HDAC4: variants seen among roughly 807,000 people sequenced by gnomAD.
HDAC4 encodes histone deacetylase 4.
In HDAC4, 16 loss-of-function variants were observed where a neutral mutation model predicts 135.1. That is an observed-to-expected ratio of 0.12 (90% CI 0.08 to 0.18). HDAC4 has a LOEUF of 0.18. Ranked by LOEUF, HDAC4 falls within the 10% of genes least tolerant of loss-of-function variation. The pLI is 1.00. For missense variants in HDAC4, 1,143 were observed against 1,511.8 expected (o/e 0.76, Z 4.05); for synonymous variants, 685 against 653.4 (o/e 1.05, Z -0.74).
rs770075890 is a variant in HDAC4 at position 239,144,599 on chromosome 2, A to G, written c.849T>C (p.Arg283=). 1 of 1,614,030 alleles carries G rather than the reference A, an allele frequency of 6.2e-7. No individual in the cohort carries two copies. The highest frequency in any genetic ancestry group is 8.5e-7 in the Non-Finnish European group (1 of 1,180,012). ...DGPVVTALKK[R]PLDVTDSACS... is the part of the protein sequence containing the mutation. ...CCGACATACCTGTGACATCCAACGGACGCTTTTTTAGAGCAGTGACCACTG... is the reference window on the plus strand; with the variant it reads ...CCGACATACCTGTGACATCCAACGGGCGCTTTTTTAGAGCAGTGACCACTG... Residue 283 remains arginine, a synonymous_variant, in exon 8 of 27, where the codon CGT becomes CGC. Coordinates refer to ENST00000543185, the MANE Select transcript of HDAC4 (RefSeq NM_001378414.1).
At chr2:239,084,097 C>T (rs945749294) in intron 20 of HDAC4, 58 bp downstream of exon 20, 39 of 1,241,788 alleles carry the variant, frequency 3.1e-5, no homozygotes, top group Non-Finnish European at 4.2e-5. Flanking sequence ...CGCTGCTGTC[C>T]GCTCGGGGAC....
At chr2:239,338,527 C>G (rs1192070073) in intron 2 of HDAC4, among the ~76,000 whole-genome samples, 3 of 152,184 alleles carry the variant, frequency 2.0e-5, no homozygotes, top group Non-Finnish European at 2.9e-5. Context: ...ACGGCTGCAT[C>G]TGAGCTCAAA....
intron 12 of HDAC4, among the ~76,000 whole-genome samples, chr2:239,126,176 C>G (rs1000344205): frequency 6.6e-6 from 1 of 152,200 alleles, no homozygotes; most frequent in African/African-American, 2.4e-5. Flanking sequence ...GGGCACTGGT[C>G]CAACGGAACT....
Position 239,053,472 on chromosome 2 carries a change from G to A in HDAC4, c.3218C>T (p.Pro1073Leu). ...AMASLSVGVKPAEKRPDEEPM... is the reference protein window; with the variant it reads ...AMASLSVGVKLAEKRPDEEPM... ...GGCAGGTGCTCACCTCTTTTCGGCG[G>A]GCTTCACGCCCACGGACAGCGAGGC... is the stretch of plus-strand genomic sequence containing the variant. Residue 1073 changes from proline (P) to leucine (L), a missense_variant, in exon 26 of 27, where the codon CCC (proline) becomes CTC (leucine). By Grantham distance (98) the Pro-to-Leu change is moderately conservative. Around this residue, in one of 9 missense-constraint regions of HDAC4, gnomAD observed 131 missense variants for 130.6 expected, o/e 1.00. Transcript: ENST00000543185. 1 of 1,613,260 alleles carries A rather than the reference G, an allele frequency of 6.2e-7. No homozygotes were observed.
At chr2:239,079,583 T>C (rs930456873) in intron 22 of HDAC4, among the ~76,000 whole-genome samples, 6 of 152,242 alleles carry the variant, frequency 3.9e-5, no homozygotes, top group African/African-American at 1.2e-4. Flanking sequence ...TCTCGTGACT[T>C]ATTCACCGTC....
At chr2:239,361,881 C>T (rs1413898904) in intron 1 of HDAC4, among the ~76,000 whole-genome samples, 1 of 152,218 alleles carries the variant, frequency 6.6e-6, no homozygotes, top group Non-Finnish European at 1.5e-5. Flanking sequence ...TGATACTTCA[C>T]TAACCAGATT....
intron 2 of HDAC4, among the ~76,000 whole-genome samples, chr2:239,277,545 C>T (rs1446441435): frequency 2.0e-5 from 3 of 152,202 alleles, no homozygotes; most frequent in Non-Finnish European, 4.4e-5. Context: ...TTCTGTACTC[C>T]GGAGCAGGAA....
At chr2:239,238,174 T>C (rs760615250) in intron 2 of HDAC4, among the ~76,000 whole-genome samples, 15 of 152,164 alleles carry the variant, frequency 9.9e-5, no homozygotes, top group Non-Finnish European at 1.5e-4. Context: ...CAGATAGTGG[T>C]GGAAAGTACT....
In HDAC4 at chr2:239,285,747, G is replaced by A. The variant is rs1449419134; in HGVS notation, c.23-49083C>T. 6.6e-6 allele frequency among the ~76,000 whole-genome samples: 1 copy of A among 152,126 alleles called. No homozygotes were observed. Among genetic ancestry groups the A allele is most frequent in the African/African-American group, 2.4e-5 (1 of 41,406 alleles). On this transcript the variant is annotated intron_variant, in intron 2 of 26. Transcript: ENST00000543185. The surrounding 1 kb of genome is among the most constrained non-coding windows in gnomAD (Gnocchi z 4.5). ...CAACAAGCCAGAAATATATAATTAA[G>A]GGAAACAAAAGCAACTCGAGCTGAC...
In HDAC4 at chr2:239,066,804, A is replaced by G. The variant is rs554154260; in HGVS notation, c.2921T>C (p.Val974Ala). The G allele has an allele frequency of 3.7e-6, 6 of 1,613,504 alleles. No individual in the cohort carries two copies. The East Asian group carries it at 1.1e-4, about 30-fold the overall frequency. The change falls in exon 24 of 27, where the codon GTC becomes GCC. Residue 974 changes from valine (V) to alanine (A), a missense_variant. Coordinates refer to ENST00000543185, the MANE Select transcript of HDAC4 (RefSeq NM_001378414.1). ...GTCGTGGCCTCCCTCGAGGGCCAGG[A>G]CAATCCGGCCGCCAGCCAGGCCCAT... ...QLMGLAGGRI[V>A]LALEGGHDLT... is the part of the protein sequence containing the mutation.
chr2:239,168,318 T>C (rs1267391624), intron 5 of HDAC4, among the ~76,000 whole-genome samples: 9 of 152,110 alleles, frequency 5.9e-5, no homozygotes, highest in Admixed American at 3.9e-4. Flanking sequence ...CTGCCCCTGC[T>C]CCTTCCCCGA....
In HDAC4 at chr2:239,111,925, G is replaced by T. The variant is rs1451701761; in HGVS notation, c.1792-213C>A. Among the ~76,000 whole-genome samples the T allele has an allele frequency of 6.6e-5, 10 of 152,208 alleles. No individual in the cohort carries two copies. In the East Asian group the frequency reaches 1.9e-3, roughly 29 times the overall value. Reference sequence around the variant, plus strand: ...AGAGCCAAGAACGAGGCCAGCACAGGCTCTGCCTCCCAGGACGGTCTCTCT... The same window carrying T: ...AGAGCCAAGAACGAGGCCAGCACAGTCTCTGCCTCCCAGGACGGTCTCTCT... On this transcript the variant is annotated intron_variant, in intron 13 of 26. Coordinates refer to ENST00000543185, the MANE Select transcript of HDAC4 (RefSeq NM_001378414.1).
chr2:239,301,019 C>T (rs1216371545), intron 2 of HDAC4, among the ~76,000 whole-genome samples: 4 of 152,344 alleles, frequency 2.6e-5, no homozygotes, highest in South Asian at 4.1e-4. Context: ...CCCCCTCCTC[C>T]GGGCTCCAAG....
intron 3 of HDAC4, among the ~76,000 whole-genome samples, chr2:239,207,323 A>G (rs2046105524): frequency 6.6e-6 from 1 of 152,196 alleles, no homozygotes. Flanking sequence ...ATATATCTTT[A>G]AGAAATTAGA....
chr2:239,166,938 A>AT (rs576652923), intron 5 of HDAC4, among the ~76,000 whole-genome samples: 171 of 152,272 alleles, frequency 1.1e-3, no homozygotes, highest in Non-Finnish European at 2.0e-3. Flanking sequence ...CACGGATAAC[A>AT]TTTTTTTGGG....
chr2:239,224,466 C>T (rs1010001432), intron 3 of HDAC4, among the ~76,000 whole-genome samples: 5 of 152,186 alleles, frequency 3.3e-5, no homozygotes, highest in African/African-American at 9.7e-5. Flanking sequence ...TTATGTCTCC[C>T]GCACCGCCCA....
At chr2:239,222,834 AG>A (rs2047038341) in intron 3 of HDAC4, among the ~76,000 whole-genome samples, 1 of 152,224 alleles carries the variant, frequency 6.6e-6, no homozygotes. Context: ...AGCAGGTCCC[AG>A]CGGGGACCTG....
At position 239,139,720 on chromosome 2, in the gene HDAC4, G is replaced by C. The variant is rs759109915; in HGVS notation, c.942C>G (p.Asn314Lys). ...TGCTGGGGACGGCGGGCGCGATACC[G>C]TTCTCCGCGCTGACGCTCCCGGAGC... ...NNSSGSVSAE[N>K]GIAPAVPSIP... is the part of the protein sequence containing the mutation. The change falls in exon 9 of 27, where the codon AAC becomes AAG. Residue 314 changes from asparagine to lysine, a missense_variant. Physicochemically the swap from Asn to Lys is moderately conservative, Grantham distance 94 (BLOSUM62 0). Coordinates refer to ENST00000543185, the MANE Select transcript of HDAC4 (RefSeq NM_001378414.1). The surrounding 1 kb of genome is among the most constrained non-coding windows in gnomAD (Gnocchi z 5.3). 2 of 1,614,096 alleles carry C rather than the reference G, an allele frequency of 1.2e-6. No individual in the cohort carries two copies. The highest frequency in any genetic ancestry group is 1.7e-5 in the Admixed American group (1 of 60,034).
chr2:239,086,931 T>C (rs547228109), intron 19 of HDAC4, among the ~76,000 whole-genome samples: 1 of 152,258 alleles, frequency 6.6e-6, no homozygotes, highest in Admixed American at 6.5e-5. Context: ...TTTGACGGGA[T>C]AGATCATTCA....
Sources: gnomAD v4.1 joint callset for allele counts (sites outside exome capture counted in the v4.1 genomes callset) on GRCh38, gnomAD v4.1.1 for gene constraint, gnomAD v4.1.1 regional missense constraint, Gnocchi (gnomAD v3.1) non-coding constraint, MANE v1.5 for transcripts, NCBI Gene and HGNC (gene_info 2026-07-23, HGNC 2026-07-21) for gene names.